The following BPNT1 variants were observed in gnomAD, a reference collection of about 807,000 sequenced individuals.
The protein encoded by BPNT1 is 3'(2'),5'-bisphosphate nucleotidase 1.
A neutral mutation model predicts 36.9 loss-of-function variants in BPNT1; 28 were observed. The observed-to-expected ratio is 0.76, with a 90% CI of 0.56 to 1.04. BPNT1 has a LOEUF of 1.04. BPNT1 is among the 50% of genes least tolerant of loss of function. BPNT1 has a pLI of 0.00. For missense variants in BPNT1, 313 were observed against 372.9 expected (o/e 0.84, Z 1.32); for synonymous variants, 119 against 130.9 (o/e 0.91, Z 0.62).
chr1:220,084,239 G>A lies in BPNT1; in HGVS notation c.-8-4385C>T, dbSNP rs529394850. Among the ~76,000 whole-genome samples the A allele has an allele frequency of 2.0e-5, 3 of 152,090 alleles. No individual in the cohort carries two copies. The East Asian group carries it at 5.8e-4, about 29-fold the overall frequency. On this transcript the variant is annotated intron_variant, in intron 1 of 8. Coordinates refer to ENST00000322067, the MANE Select transcript of BPNT1 (RefSeq NM_006085.6). Reference sequence around the variant, plus strand: ...CCCAGCTACTCGGGAGGCTGAGGCAGGAGAATGGCATGAACCCGGGAGGTG... The same window carrying A: ...CCCAGCTACTCGGGAGGCTGAGGCAAGAGAATGGCATGAACCCGGGAGGTG...
intron 4 of BPNT1, among the ~76,000 whole-genome samples, chr1:220,072,235 C>T (rs922144168): frequency 5.3e-5 from 8 of 151,524 alleles, no homozygotes; most frequent in East Asian, 2.0e-4. Context: ...TGGTGGTGCG[C>T]GCCTGTAGTC....
intron 6 of BPNT1, among the ~76,000 whole-genome samples, chr1:220,064,997 CAG>C (rs1468113878): frequency 1.3e-5 from 2 of 151,908 alleles, no homozygotes; most frequent in Non-Finnish European, 2.9e-5. Context: ...TTAGTAGAGA[CAG>C]GGGTTTCACC....
At chr1:220,076,050 T>C (rs1022643192) in intron 2 of BPNT1, among the ~76,000 whole-genome samples, 1 of 152,138 alleles carries the variant, frequency 6.6e-6, no homozygotes, top group South Asian at 2.1e-4. Context: ...TTCCTACTTT[T>C]CATAATAAAA....
intron 4 of BPNT1, among the ~76,000 whole-genome samples, chr1:220,071,758 G>C (rs566741880): frequency 2.6e-5 from 4 of 152,232 alleles, no homozygotes; most frequent in Admixed American, 2.6e-4. Flanking sequence ...CGCAATCTCG[G>C]CTCACTGTAA....
At chr1:220,065,026 C>T (rs149961189) in intron 6 of BPNT1, among the ~76,000 whole-genome samples, 4,200 of 152,078 alleles carry the variant, frequency 0.028, 70 homozygotes, top group Non-Finnish European at 0.04. Context: ...GTCAGGCTGG[C>T]CTCGAACTCC....
intron 2 of BPNT1, among the ~76,000 whole-genome samples, chr1:220,076,985 T>G (rs979433622): frequency 1.3e-5 from 2 of 152,188 alleles, no homozygotes; most frequent in Non-Finnish European, 2.9e-5. Context: ...TTTCTCTTAT[T>G]GACAAATTTG....
chr1:220,066,212 C>T (rs952015855), intron 6 of BPNT1: 12 of 798,120 alleles, frequency 1.5e-5, no homozygotes, highest in African/African-American at 1.7e-5. Context: ...TGAAAGGTAC[C>T]GTGCATTACA....
intron 6 of BPNT1, among the ~76,000 whole-genome samples, chr1:220,063,555 G>A (rs1663257761): frequency 6.6e-6 from 1 of 152,082 alleles, no homozygotes; most frequent in African/African-American, 2.4e-5. Context: ...ATTATCTAAT[G>A]ATCTCTTTGT....
At chr1:220,070,927 C>T (rs1664007031) in intron 4 of BPNT1, among the ~76,000 whole-genome samples, 1 of 150,372 alleles carries the variant, frequency 6.7e-6, no homozygotes, top group South Asian at 2.2e-4. Context: ...CACCTGAGGT[C>T]GAGAGTTCAA....
intron 6 of BPNT1, among the ~76,000 whole-genome samples, chr1:220,063,264 C>G (rs1374180995): frequency 6.6e-6 from 1 of 152,114 alleles, no homozygotes; most frequent in Admixed American, 6.5e-5. Context: ...AGGAGAATGG[C>G]GTGAACCTGG....
chr1:220,066,905 C>A (rs1403066109), intron 6 of BPNT1: 1 of 152,154 alleles, frequency 6.6e-6, no homozygotes, highest in Non-Finnish European at 1.5e-5. Context: ...TCTTGATGCC[C>A]AAGCTAATCA....
At chr1:220,071,662 A>G (rs1183271650) in intron 4 of BPNT1, among the ~76,000 whole-genome samples, 1 of 152,140 alleles carries the variant, frequency 6.6e-6, no homozygotes, top group African/African-American at 2.4e-5. Flanking sequence ...GAGAGTCCAT[A>G]ATGAAACCCA....
intron 1 of BPNT1, among the ~76,000 whole-genome samples, chr1:220,089,101 GA>G (rs764942826): frequency 0.044 from 1,708 of 39,052 alleles, 11 homozygotes; most frequent in African/African-American, 0.13. Flanking sequence ...ACTCCGTCTC[GA>G]AAAAAAAAAA....
At chr1:220,089,113 A>G (rs1369531310) in intron 1 of BPNT1, among the ~76,000 whole-genome samples, 17 of 148,818 alleles carry the variant, frequency 1.1e-4, no homozygotes, top group Admixed American at 8.2e-4. Context: ...AAAAAAAAAA[A>G]AAAAAAAAAA....
chr1:220,079,068 T>C (rs952434547), intron 2 of BPNT1, among the ~76,000 whole-genome samples: 2 of 152,184 alleles, frequency 1.3e-5, no homozygotes, highest in Admixed American at 6.5e-5. Context: ...ACTTTGATTA[T>C]AACAAATATT....
chr1:220,086,435 C>A (rs982780729), intron 1 of BPNT1, among the ~76,000 whole-genome samples: 1 of 151,902 alleles, frequency 6.6e-6, no homozygotes, highest in African/African-American at 2.4e-5. Flanking sequence ...CCACGCCTGG[C>A]TAATTTTTTT....
chr1:220,078,323 A>G (rs1210480490), intron 2 of BPNT1, among the ~76,000 whole-genome samples: 1 of 145,060 alleles, frequency 6.9e-6, no homozygotes, highest in Non-Finnish European at 1.5e-5. Context: ...TAATATATAT[A>G]ACATATAATA....
intron 2 of BPNT1, 63 bp downstream of exon 2, chr1:220,079,664 C>A (rs1664922925): frequency 6.3e-7 from 1 of 1,597,058 alleles, no homozygotes; most frequent in Non-Finnish European, 8.6e-7. Flanking sequence ...ATTTTTATAT[C>A]ATTTAGCTAA....
In BPNT1 at chr1:220,074,025, A is replaced by T. The variant is rs773964883; in HGVS notation, c.167T>A (p.Met56Lys). 2 of 1,614,156 alleles carry T rather than the reference A, an allele frequency of 1.2e-6. No homozygotes were observed. Among genetic ancestry groups the T allele is most frequent in the Non-Finnish European group, 1.7e-6 (2 of 1,180,014 alleles). Reference protein sequence around the residue: ...LQTKADRLAQMSICSSLARKF... With the variant: ...LQTKADRLAQKSICSSLARKF... ...CCGGGCCAATGAAGAACATATGCTC[A>T]TCTGTGCCAATCGGTCAGCTTTGGT... Residue 56 changes from methionine (M) to lysine (K), a missense_variant, in exon 3 of 9, where the codon ATG (methionine) becomes AAG (lysine). Coordinates refer to ENST00000322067, the MANE Select transcript of BPNT1 (RefSeq NM_006085.6).
Sources: allele counts gnomAD v4.1 joint callset (sites outside exome capture counted in the v4.1 genomes callset), GRCh38; gene constraint gnomAD v4.1.1; transcripts MANE v1.5; gene names NCBI Gene and HGNC (gene_info 2026-07-23, HGNC 2026-07-21).